Variants in DDX52 observed in about 807,000 individuals in gnomAD.
The protein encoded by DDX52 is probable ATP-dependent RNA helicase DDX52.
DDX52 carries 59 observed loss-of-function variants against 76.1 expected under a neutral mutation model. The ratio of observed to expected loss-of-function variants is 0.78; its 90% CI spans 0.63 to 0.96. The LOEUF (loss-of-function observed/expected upper bound fraction) is 0.96, where lower values mean the gene tolerates loss of function less well. Ranked by LOEUF, DDX52 falls within the 40% of genes least tolerant of loss-of-function variation. DDX52 has a pLI of 0.00. For synonymous variants in DDX52, 231 were observed against 244.1 expected, an observed-to-expected ratio of 0.95 and a Z score of 0.50; for missense variants, 707 against 703.9, an observed-to-expected ratio of 1.00 and a Z score of -0.05.
intron 14 of DDX52, among the ~76,000 whole-genome samples, chr17:37,615,830 A>G (rs1302312171): frequency 6.6e-6 from 1 of 152,014 alleles, no homozygotes; most frequent in East Asian, 1.9e-4. Flanking sequence ...CCTGGCCAAC[A>G]TGGTGAAACC....
chr17:37,619,819 T>G lies in DDX52; in HGVS notation c.1598A>C (p.Gln533Pro). 1 of 1,613,960 alleles carries G rather than the reference T, an allele frequency of 6.2e-7. No homozygotes were observed. Among genetic ancestry groups the G allele is most frequent in the Non-Finnish European group, 8.5e-7 (1 of 1,179,968 alleles). Reference sequence around the variant, plus strand: ...GTATTCTGGTACAGGACACCCAGCCTGCTGTATAACATTAGCAACGCTGAA... The same window carrying G: ...GTATTCTGGTACAGGACACCCAGCCGGCTGTATAACATTAGCAACGCTGAA... The part of the protein sequence containing the change: ...LLRSVANVIQ[Q>P]AGCPVPEYIK... Residue 533 changes from glutamine (Q) to proline (P), a missense_variant, in exon 13 of 15, where the codon CAG (glutamine) becomes CCG (proline). Coordinates refer to ENST00000617633, the MANE Select transcript of DDX52 (RefSeq NM_007010.5).
chr17:37,636,367 G>A (rs948814884), intron 2 of DDX52, among the ~76,000 whole-genome samples: 8 of 152,188 alleles, frequency 5.3e-5, no homozygotes, highest in African/African-American at 1.9e-4. Flanking sequence ...TATTACCTCT[G>A]TTGAGAACTA....
intron 7 of DDX52, 29 bp from the exon 8 acceptor site, chr17:37,626,127 A>G: frequency 6.2e-7 from 1 of 1,611,378 alleles, no homozygotes; most frequent in South Asian, 1.1e-5. Flanking sequence ...ACTTGTGGAT[A>G]CTGAACTGAA....
chr17:37,618,636 C>T (rs958162496), intron 13 of DDX52, among the ~76,000 whole-genome samples: 1 of 152,118 alleles, frequency 6.6e-6, no homozygotes, highest in Non-Finnish European at 1.5e-5. Flanking sequence ...CATACACCAC[C>T]ACGCCCGGCT....
chr17:37,639,379 C>T (rs868600242), intron 2 of DDX52: 5 of 986,820 alleles, frequency 5.1e-6, no homozygotes, highest in Middle Eastern at 5.2e-4. Context: ...CTTTATGAGA[C>T]AGTTGGTACT....
At chr17:37,635,718 T>C (rs1292645656) in intron 2 of DDX52, 1 of 439,440 alleles carries the variant, frequency 2.3e-6, no homozygotes, top group African/African-American at 2.0e-5. Flanking sequence ...TAGGTAAATA[T>C]TCCAAGTGGA....
intron 6 of DDX52, among the ~76,000 whole-genome samples, chr17:37,628,192 C>T (rs1245697790): frequency 6.6e-6 from 1 of 152,126 alleles, no homozygotes; most frequent in East Asian, 1.9e-4. Context: ...CTTTGGGCCA[C>T]TAAGTGTTCG....
chr17:37,633,918 T>G (rs2030804469), intron 2 of DDX52, among the ~76,000 whole-genome samples: 1 of 150,948 alleles, frequency 6.6e-6, no homozygotes, highest in Non-Finnish European at 1.5e-5. Flanking sequence ...AAAAGCAACT[T>G]AAACAATGAT....
chr17:37,621,870 CTTT>C (rs953288473), intron 9 of DDX52, among the ~76,000 whole-genome samples: 26 of 152,226 alleles, frequency 1.7e-4, no homozygotes, highest in African/African-American at 6.0e-4. Context: ...AAATAATTAT[CTTT>C]TTAATTCACT....
chr17:37,621,293 T>C lies in DDX52; in HGVS notation c.1351-16A>G. Reference sequence around the variant, plus strand: ...TGTTATCTCTCTGGTTAACAGAATATATATTAAATTGTTTTAGAATGAAAA... The same window carrying C: ...TGTTATCTCTCTGGTTAACAGAATACATATTAAATTGTTTTAGAATGAAAA... On this transcript the variant is annotated splice_polypyrimidine_tract_variant and intron_variant, in intron 10 of 14. Transcript: ENST00000617633. 6.3e-7 allele frequency: 1 copy of C among 1,597,238 alleles called. No homozygotes were observed. The highest frequency in any genetic ancestry group is 1.1e-5 in the South Asian group (1 of 88,610).
chr17:37,633,896 G>C (rs1305388866), intron 2 of DDX52, among the ~76,000 whole-genome samples: 1 of 151,794 alleles, frequency 6.6e-6, no homozygotes, highest in Non-Finnish European at 1.5e-5. Flanking sequence ...GAAAACAACA[G>C]GGGATTAATT....
chr17:37,641,226 C>T (rs1025607976), intron 2 of DDX52, among the ~76,000 whole-genome samples: 1 of 151,942 alleles, frequency 6.6e-6, no homozygotes, highest in Non-Finnish European at 1.5e-5. Context: ...CACGATGAAA[C>T]CTGGTCTCTA....
intron 4 of DDX52, chr17:37,631,461 G>A (rs1260010969): frequency 6.6e-6 from 1 of 152,452 alleles, no homozygotes; most frequent in Non-Finnish European, 1.5e-5. Context: ...TTGCCTCTGA[G>A]CAGGGGCAGG....
chr17:37,633,459 A>T, intron 2 of DDX52, 41 bp from the exon 3 acceptor site: 1 of 1,450,780 alleles, frequency 6.9e-7, no homozygotes, highest in East Asian at 2.6e-5. Context: ...TTAACAGTCT[A>T]GGCAACATAG....
chr17:37,629,111 C>T lies in DDX52; in HGVS notation c.748-439G>A, dbSNP rs1228844952. On this transcript the variant is annotated intron_variant, in intron 5 of 14. Transcript: ENST00000617633. ...TGGTGCGCACCTGTAATCTCAGTTACTTGGGAGGCTGAGGCAGGAGAATCA... is the reference window on the plus strand; with the variant it reads ...TGGTGCGCACCTGTAATCTCAGTTATTTGGGAGGCTGAGGCAGGAGAATCA... Among the ~76,000 whole-genome samples the T allele has an allele frequency of 4.6e-5, 7 of 151,886 alleles. No individual in the cohort carries two copies. In the East Asian group the frequency reaches 9.7e-4, roughly 21 times the overall value.
intron 6 of DDX52, among the ~76,000 whole-genome samples, chr17:37,628,144 G>A (rs2030484403): frequency 6.6e-6 from 1 of 152,030 alleles, no homozygotes; most frequent in African/African-American, 2.4e-5. Flanking sequence ...AAAATCAATG[G>A]TATAAATCAG....
In DDX52 at chr17:37,618,372, T is replaced by C. The variant is rs1470006671; in HGVS notation, c.1662A>G (p.Lys554=). ...GFQKLLSKQK[K]KMIKKPLERE... is the part of the protein sequence containing the mutation. ...TTTCCAATGGTTTCTTAATCATCTT[T>C]TTCTTTTGTTTGCTGAAAGTTACAA... The change falls in exon 14 of 15, where the codon AAA becomes AAG. Residue 554 remains lysine, a synonymous_variant. Transcript: ENST00000617633. The C allele has an allele frequency of 6.3e-7, 1 of 1,585,326 alleles. No homozygotes were observed. Among genetic ancestry groups the C allele is most frequent in the Admixed American group, 1.9e-5 (1 of 51,990 alleles).
chr17:37,633,470 T>C (rs2030782417), intron 2 of DDX52, 52 bp from the exon 3 acceptor site: 3 of 1,384,686 alleles, frequency 2.2e-6, no homozygotes, highest in African/African-American at 1.5e-5. Flanking sequence ...GGCAACATAG[T>C]GAGGACCCGT....
At chr17:37,639,451 T>A (rs1169518371) in intron 2 of DDX52, 2 of 995,648 alleles carry the variant, frequency 2.0e-6, no homozygotes, top group Non-Finnish European at 2.4e-6. Flanking sequence ...AATAGATACA[T>A]GCCTGGCTGG....
Sources: allele counts gnomAD v4.1 joint callset (sites outside exome capture counted in the v4.1 genomes callset), GRCh38; gene constraint gnomAD v4.1.1; transcripts MANE v1.5; gene names NCBI Gene and HGNC (gene_info 2026-07-23, HGNC 2026-07-21).